The following FMN1 variants were observed in gnomAD, a reference collection of about 807,000 sequenced individuals.
The protein encoded by FMN1 is formin-1.
FMN1 carries 110 observed loss-of-function variants against 132.4 expected under a neutral mutation model. The observed-to-expected ratio is 0.83, with a 90% confidence interval of 0.71 to 0.97. The LOEUF (loss-of-function observed/expected upper bound fraction) is 0.97. Among genes scored for constraint, FMN1 ranks in the 50% least tolerant of loss-of-function variants. The pLI, the probability that FMN1 is intolerant of heterozygous loss-of-function variation, is 0.00. For missense variants in FMN1, 1,792 were observed against 1,705.3 expected, an observed-to-expected ratio of 1.05 and a Z score of -0.90; for synonymous variants, 722 against 651.7, an observed-to-expected ratio of 1.11 and a Z score of -1.64.
intron 6 of FMN1, chr15:33,012,026 C>A (rs1020147775): frequency 7.0e-6 from 2 of 285,790 alleles, no homozygotes; most frequent in Admixed American, 4.7e-5. Context: ...ACAATCCTAA[C>A]CTTAGGCATA....
At chr15:33,026,497 C>G (rs998488364) in intron 6 of FMN1, among the ~76,000 whole-genome samples, 4 of 151,424 alleles carry the variant, frequency 2.6e-5, no homozygotes, top group East Asian at 1.9e-4. Context: ...TTGCCTACCT[C>G]AAACAGAATG....
At chr15:32,996,244 C>T (rs1303483645) in intron 7 of FMN1, among the ~76,000 whole-genome samples, 1 of 152,200 alleles carries the variant, frequency 6.6e-6, no homozygotes, top group Non-Finnish European at 1.5e-5. Flanking sequence ...TAAATAATTT[C>T]TTCAAGACCA....
At chr15:32,972,932 C>T (rs567378461) in intron 7 of FMN1, among the ~76,000 whole-genome samples, 1 of 152,268 alleles carries the variant, frequency 6.6e-6, no homozygotes, top group African/African-American at 2.4e-5. Context: ...GCCTCATCGC[C>T]TCCAGTCAGC....
chr15:33,127,378 C>T, intron 4 of FMN1, among the ~76,000 whole-genome samples: 1 of 152,150 alleles, frequency 6.6e-6, no homozygotes, highest in East Asian at 1.9e-4. Flanking sequence ...CATACACAGA[C>T]CACCCACTTT....
intron 15 of FMN1, among the ~76,000 whole-genome samples, chr15:32,894,891 A>G (rs62001356): frequency 0.2 from 29,760 of 151,646 alleles, 3,098 homozygotes; most frequent in South Asian, 0.25. Flanking sequence ...GTATTATACT[A>G]TATGTTATTT....
In FMN1 at chr15:32,968,854, TG is replaced by T; in HGVS notation, c.2846del (p.Pro949GlnfsTer34). 1.9e-6 allele frequency: 1 copy of T among 534,516 alleles called. No homozygotes were observed. Among genetic ancestry groups the T allele is most frequent in the Non-Finnish European group, 3.0e-6 (1 of 333,854 alleles). The allele number at this position is 534,516 out of a possible 1,614,324, so 33.1% of individuals were successfully genotyped here. ...CAGGGGGAGGTGGGGGTGCAAGTCC[TG>T]GGGGTGGTGGAGCAGGAGGAGGCCC... ...PGGPPPAPPP[P>X]GLAPPPPPGL... On this transcript the variant is annotated frameshift_variant, in exon 8 of 21. Transcript: ENST00000616417. LOFTEE classifies it high-confidence loss of function.
intron 19 of FMN1, among the ~76,000 whole-genome samples, chr15:32,786,140 C>G (rs2056870483): frequency 1.3e-5 from 2 of 152,104 alleles, no homozygotes; most frequent in Non-Finnish European, 2.9e-5. Flanking sequence ...TGGACTTACC[C>G]TAAATGTAAA....
At chr15:32,846,712 T>C (rs966192287) in intron 17 of FMN1, among the ~76,000 whole-genome samples, 2 of 152,242 alleles carry the variant, frequency 1.3e-5, no homozygotes, top group Non-Finnish European at 2.9e-5. Flanking sequence ...ATTACTGGTA[T>C]ATACCCAAAG....
chr15:32,850,420 G>A (rs1176794373), intron 17 of FMN1, among the ~76,000 whole-genome samples: 1 of 152,046 alleles, frequency 6.6e-6, no homozygotes, highest in Non-Finnish European at 1.5e-5. Flanking sequence ...GCCCAACATA[G>A]AAAGATGATT....
At chr15:33,187,801 C>T (rs367925948) in intron 2 of FMN1, among the ~76,000 whole-genome samples, 3 of 152,118 alleles carry the variant, frequency 2.0e-5, no homozygotes, top group East Asian at 1.9e-4. Flanking sequence ...TCCACTTTTC[C>T]AGAAAGAAAA....
rs537266700 is a variant in FMN1, at chr15:32,797,592, G to A, written c.4130+1212C>T. Among the ~76,000 whole-genome samples, 20 of 152,142 alleles carry A rather than the reference G, an allele frequency of 1.3e-4. No homozygotes were observed. In the South Asian group the frequency reaches 2.9e-3, roughly 22 times the overall value. On this transcript the variant is annotated intron_variant, in intron 19 of 20. Coordinates refer to ENST00000616417, the MANE Select transcript of FMN1 (RefSeq NM_001277313.2). Reference sequence around the variant, plus strand: ...TCAACGACCTATTTTCTCAACAATGGTACTTTTCTCTGCTTCAGTTTTATC... The same window carrying A: ...TCAACGACCTATTTTCTCAACAATGATACTTTTCTCTGCTTCAGTTTTATC...
chr15:32,770,159 A>C lies in FMN1; in HGVS notation c.*4151T>G, dbSNP rs376695242. 2.0e-5 allele frequency: 3 copies of C among 152,076 alleles called. No homozygotes were observed. In the East Asian group the frequency reaches 5.8e-4, roughly 29 times the overall value. The allele number at this position is 152,076 out of a possible 1,614,324, so 9.4% of individuals were successfully genotyped here. A position where few individuals can be genotyped will look rare whatever the true frequency, so the allele number is the denominator to read the frequency against. ...GGAGATGAGTACTACAAAATTGACC[A>C]ATTTAGTATGTCAGGGAATGAAGAG... is the stretch of plus-strand genomic sequence containing the variant. On this transcript the variant is annotated 3_prime_UTR_variant, in exon 21 of 21. Coordinates refer to ENST00000616417, the MANE Select transcript of FMN1 (RefSeq NM_001277313.2).
At chr15:32,963,946 CAGA>C (rs2030890662) in intron 9 of FMN1, among the ~76,000 whole-genome samples, 158 bp downstream of exon 9, 1 of 148,880 alleles carries the variant, frequency 6.7e-6, no homozygotes, top group African/African-American at 2.5e-5. Flanking sequence ...CACACACACA[CAGA>C]ATATGTAATA....
In FMN1 at chr15:32,902,058, T is replaced by C; in HGVS notation, c.3378-18A>G. 1.2e-6 allele frequency: 2 copies of C among 1,600,502 alleles called. No individual in the cohort carries two copies. The highest frequency in any genetic ancestry group is 1.1e-5 in the South Asian group (1 of 87,942). ...GTAAAAATCTGTAAAAAAGAAAATG[T>C]GTCATCTACCTTCACATATAATCAC... is the stretch of plus-strand genomic sequence containing the variant. On this transcript the variant is annotated intron_variant, in intron 12 of 20. Coordinates refer to ENST00000616417, the MANE Select transcript of FMN1 (RefSeq NM_001277313.2).
intron 2 of FMN1, among the ~76,000 whole-genome samples, chr15:33,191,113 T>C (rs11631936): frequency 0.06 from 9,046 of 150,150 alleles, 346 homozygotes; most frequent in Non-Finnish European, 0.089. Flanking sequence ...GAGCTTGCAG[T>C]GTGTTGAGAC....
At chr15:33,111,552 T>C (rs2039705481) in intron 4 of FMN1, among the ~76,000 whole-genome samples, 3 of 152,208 alleles carry the variant, frequency 2.0e-5, no homozygotes, top group South Asian at 4.1e-4. Flanking sequence ...TTACGCATAA[T>C]AGCCAAAAGG....
chr15:32,798,954 C>T lies in FMN1; in HGVS notation c.3981-1G>A. ...AAAATATCGTACTGTTGTTTCAAAA[C>T]TGCAACAGGTAGGGGGGAAAATGGA... On this transcript the variant is annotated splice_acceptor_variant, in intron 18 of 20. Coordinates refer to ENST00000616417, the MANE Select transcript of FMN1 (RefSeq NM_001277313.2). LOFTEE classifies it high-confidence loss of function. 6.2e-7 allele frequency: 1 copy of T among 1,612,574 alleles called. No homozygotes were observed. The highest frequency in any genetic ancestry group is 8.5e-7 in the Non-Finnish European group (1 of 1,179,462).
intron 5 of FMN1, among the ~76,000 whole-genome samples, chr15:33,068,822 A>T (rs1306068186): frequency 6.6e-6 from 1 of 152,152 alleles, no homozygotes; most frequent in African/African-American, 2.4e-5. Context: ...GTCCACCAGC[A>T]ACAGGGTGGC....
chr15:32,920,149 C>G (rs905616891), intron 10 of FMN1, among the ~76,000 whole-genome samples: 9 of 152,050 alleles, frequency 5.9e-5, no homozygotes, highest in Admixed American at 5.2e-4. Context: ...ACGTTTATAT[C>G]AAGAATAGTC....
Sources: gnomAD v4.1 joint callset for allele counts (sites outside exome capture counted in the v4.1 genomes callset) on GRCh38, gnomAD v4.1.1 for gene constraint, MANE v1.5 for transcripts, NCBI Gene and HGNC (gene_info 2026-07-23, HGNC 2026-07-21) for gene names.